The following STXBP4 variants were observed in gnomAD, a reference collection of about 807,000 sequenced individuals.
STXBP4 encodes syntaxin binding protein 4.
A neutral mutation model predicts 76.1 loss-of-function variants in STXBP4; 55 were observed. The ratio of observed to expected loss-of-function variants is 0.72; its 90% CI spans 0.58 to 0.91. STXBP4 has a LOEUF of 0.91. Ranked by LOEUF, STXBP4 falls within the 40% of genes least tolerant of loss-of-function variation. STXBP4 has a pLI of 0.00. For missense variants in STXBP4, 618 were observed against 636.9 expected (o/e 0.97, Z 0.32); for synonymous variants, 201 against 220.2 (o/e 0.91, Z 0.77).
At chr17:55,133,018 A>G (rs754778937) in intron 16 of STXBP4, among the ~76,000 whole-genome samples, 9 of 152,106 alleles carry the variant, frequency 5.9e-5, no homozygotes, top group Non-Finnish European at 1.3e-4. Context: ...GAAGTTGGAG[A>G]TGGGGGAGCC....
intron 8 of STXBP4, among the ~76,000 whole-genome samples, chr17:55,008,607 C>T (rs2078050257): frequency 6.6e-6 from 1 of 152,044 alleles, no homozygotes; most frequent in Non-Finnish European, 1.5e-5. Flanking sequence ...TTTTTATGAA[C>T]AGTCATACAG....
At chr17:55,023,838 C>T (rs1046914659) in intron 8 of STXBP4, among the ~76,000 whole-genome samples, 9 of 144,392 alleles carry the variant, frequency 6.2e-5, no homozygotes, top group Non-Finnish European at 1.2e-4. Flanking sequence ...GGCCTCAAGC[C>T]GTTTTCAGTT....
chr17:55,131,736 A>G (rs1375965533), intron 16 of STXBP4, among the ~76,000 whole-genome samples: 6 of 152,056 alleles, frequency 3.9e-5, no homozygotes, highest in Non-Finnish European at 8.8e-5. Context: ...TAATATTTTT[A>G]TTATTGTAAT....
chr17:55,135,400 C>T (rs1165838354), intron 16 of STXBP4, among the ~76,000 whole-genome samples: 3 of 151,704 alleles, frequency 2.0e-5, no homozygotes, highest in African/African-American at 4.8e-5. Flanking sequence ...TGTATATAAC[C>T]AGGTGGTAAA....
chr17:54,985,154 T>C (rs576750574), intron 1 of STXBP4, among the ~76,000 whole-genome samples: 6 of 152,346 alleles, frequency 3.9e-5, no homozygotes, highest in African/African-American at 1.4e-4. Flanking sequence ...AGTGAGACAG[T>C]TTGTTACATT....
intron 12 of STXBP4, among the ~76,000 whole-genome samples, chr17:55,053,237 T>C (rs1026320092): frequency 2.6e-5 from 4 of 152,056 alleles, no homozygotes; most frequent in African/African-American, 9.7e-5. Context: ...TTAGGAAATA[T>C]GTGGTTATAT....
At chr17:55,060,535 G>A (rs1469924779) in intron 12 of STXBP4, among the ~76,000 whole-genome samples, 1 of 152,024 alleles carries the variant, frequency 6.6e-6, no homozygotes, top group Non-Finnish European at 1.5e-5. Context: ...TAAGCACATA[G>A]ATAACCTAAT....
downstream of STXBP4, among the ~76,000 whole-genome samples, chr17:55,175,469 C>T (rs1456244277): frequency 6.6e-6 from 1 of 152,206 alleles, no homozygotes; most frequent in African/African-American, 2.4e-5. Flanking sequence ...ATTTGAAAAT[C>T]ATTCTCTTAC....
intron 12 of STXBP4, among the ~76,000 whole-genome samples, chr17:55,062,659 T>C (rs2079008285): frequency 6.6e-6 from 1 of 152,212 alleles, no homozygotes; most frequent in Non-Finnish European, 1.5e-5. Flanking sequence ...TTCTAGATCC[T>C]TGAGAAATCT....
chr17:55,052,224 A>G (rs2078868437), intron 12 of STXBP4, among the ~76,000 whole-genome samples: 1 of 152,150 alleles, frequency 6.6e-6, no homozygotes, highest in South Asian at 2.1e-4. Context: ...AGTAAAATAT[A>G]AGCCTGGAAT....
chr17:55,085,390 A>C (rs545297456), intron 16 of STXBP4, among the ~76,000 whole-genome samples: 1 of 152,324 alleles, frequency 6.6e-6, no homozygotes, highest in African/African-American at 2.4e-5. Context: ...TATAAGTTAA[A>C]TACAAGTTAA....
At chr17:54,979,410 A>G (rs2077517513) in intron 1 of STXBP4, among the ~76,000 whole-genome samples, 1 of 152,200 alleles carries the variant, frequency 6.6e-6, no homozygotes, top group Non-Finnish European at 1.5e-5. Context: ...TGGTTACTTT[A>G]TATAGTGTGT....
intron 3 of STXBP4, among the ~76,000 whole-genome samples, chr17:54,990,483 C>A (rs2077698078): frequency 6.6e-6 from 1 of 152,146 alleles, no homozygotes; most frequent in African/African-American, 2.4e-5. Flanking sequence ...CCCCTCACCC[C>A]CAGATGGGAC....
Position 55,168,669 on chromosome 17 carries a change from A to G in STXBP4, c.*8758A>G, listed in dbSNP as rs1490185696. 1.3e-5 allele frequency: 2 copies of G among 152,224 alleles called. No individual in the cohort carries two copies. Among genetic ancestry groups the G allele is most frequent in the African/African-American group, 4.8e-5 (2 of 41,448 alleles). The allele number at this position is 152,224 out of a possible 1,614,324, so 9.4% of individuals were successfully genotyped here. A position where few individuals can be genotyped will look rare whatever the true frequency, so the allele number is the denominator to read the frequency against. On this transcript the variant is annotated 3_prime_UTR_variant, in exon 18 of 18. Transcript: ENST00000376352. ...AATTATGATATTTACAAAGCTCTGT[A>G]CATTCAGAATTGAACTCTTTCTGCA...
chr17:55,055,272 A>G (rs775533525), intron 12 of STXBP4, among the ~76,000 whole-genome samples: 1 of 152,130 alleles, frequency 6.6e-6, no homozygotes, highest in African/African-American at 2.4e-5. Flanking sequence ...CCAGCCTAAG[A>G]TCTTAGAGGA....
At chr17:54,969,717 G>A (rs766950256) in intron 1 of STXBP4, among the ~76,000 whole-genome samples, 1 of 152,176 alleles carries the variant, frequency 6.6e-6, no homozygotes, top group Non-Finnish European at 1.5e-5. Context: ...GAACTTGGAG[G>A]CCTGAGAAAT....
downstream of STXBP4, among the ~76,000 whole-genome samples, chr17:55,177,818 G>T (rs543238108): frequency 8.3e-4 from 126 of 152,320 alleles, no homozygotes; most frequent in Non-Finnish European, 1.6e-3. Context: ...AGATGACAAT[G>T]GTTATCAGAG....
At chr17:55,146,591 C>T (rs1567781810) in intron 17 of STXBP4, among the ~76,000 whole-genome samples, 1 of 152,150 alleles carries the variant, frequency 6.6e-6, no homozygotes, top group Non-Finnish European at 1.5e-5. Flanking sequence ...GTGGCTGGTG[C>T]CTGTAGTCCC....
At chr17:55,092,976 TTTTGTTTTTTG>T (rs1439089434) in intron 16 of STXBP4, among the ~76,000 whole-genome samples, 2 of 151,376 alleles carry the variant, frequency 1.3e-5, no homozygotes, top group Non-Finnish European at 2.9e-5. Context: ...TTTTTTTGTT[TTTTGTTTTTTG>T]TTTGTTTTTT....
Sources: allele counts gnomAD v4.1 joint callset (sites outside exome capture counted in the v4.1 genomes callset), GRCh38; gene constraint gnomAD v4.1.1; transcripts MANE v1.5; gene names NCBI Gene and HGNC (gene_info 2026-07-23, HGNC 2026-07-21).